Variants in ADAMTS12 observed in about 807,000 individuals in gnomAD.
ADAMTS12 encodes the protein ADAM metallopeptidase with thrombospondin type 1 motif 12, also known as A disintegrin and metalloproteinase with thrombospondin motifs 12.
Under a neutral mutation model 167.8 loss-of-function variants are expected in ADAMTS12, and 118 were observed. The observed-to-expected ratio is 0.70, with a 90% CI of 0.61 to 0.82. The LOEUF (loss-of-function observed/expected upper bound fraction) is 0.82, where lower values mean the gene tolerates loss of function less well. Among genes scored for constraint, ADAMTS12 ranks in the 40% least tolerant of loss-of-function variants. The pLI is 0.00. For synonymous variants in ADAMTS12, 704 were observed against 716.9 expected (o/e 0.98, Z 0.29); for missense variants, 1,916 against 1,998.8 (o/e 0.96, Z 0.79).
At chr5:33,823,105 AAAG>A (rs1438655939) in intron 2 of ADAMTS12, among the ~76,000 whole-genome samples, 16 of 151,588 alleles carry the variant, frequency 1.1e-4, no homozygotes, top group Admixed American at 3.9e-4. Context: ...AAAAAAAAAA[AAAG>A]AAAGAAAAAG....
chr5:33,698,967 G>A (rs563465931), intron 3 of ADAMTS12, among the ~76,000 whole-genome samples: 4 of 152,270 alleles, frequency 2.6e-5, no homozygotes, highest in African/African-American at 9.6e-5. Context: ...GACAAGCCTG[G>A]CCAACATGGT....
rs369832766 is a variant in ADAMTS12, at chr5:33,686,922, A to AATATATAT, written c.635-2875_635-2868dup. Among the ~76,000 whole-genome samples the AATATATAT allele has an allele frequency of 1.8e-3, 242 of 138,276 alleles. 1 individual carries two copies. Among genetic ancestry groups the AATATATAT allele is most frequent in the East Asian group, 0.01 (47 of 4,646 alleles). 90.7% of individuals were successfully genotyped at this position (138,276 alleles called of 152,430 possible). The stretch of plus-strand genomic sequence containing the variant: ...ACATATTCTCTATATATAGGCACTG[A>AATATATAT]ATATATATATATATAGAGAGAGAGA... On this transcript the variant is annotated intron_variant, in intron 3 of 23. Coordinates refer to ENST00000504830, the MANE Select transcript of ADAMTS12 (RefSeq NM_030955.4).
At chr5:33,654,072 T>C (rs994649885) in intron 7 of ADAMTS12, among the ~76,000 whole-genome samples, 5 of 152,184 alleles carry the variant, frequency 3.3e-5, no homozygotes, top group African/African-American at 1.2e-4. Context: ...TCTTTCCTCT[T>C]TCTCATCCAT....
chr5:33,768,841 G>A (rs1229749399), intron 2 of ADAMTS12, among the ~76,000 whole-genome samples: 1 of 152,024 alleles, frequency 6.6e-6, no homozygotes, highest in Non-Finnish European at 1.5e-5. Flanking sequence ...ATGCTTGGTA[G>A]GCAAAATAAC....
In ADAMTS12 at chr5:33,588,658, G is replaced by C. The variant is rs1747480817; in HGVS notation, c.2806C>G (p.Leu936Val). The C allele has an allele frequency of 1.9e-6, 3 of 1,614,150 alleles. No homozygotes were observed. The highest frequency in any genetic ancestry group is 2.5e-6 in the Non-Finnish European group (3 of 1,180,032). ...CQHLLKPKTL[L>V]SCNRDILCPS... is the part of the protein sequence containing the mutation. The stretch of plus-strand genomic sequence containing the variant: ...CACAGGATGTCTCTGTTGCAGGAAA[G>C]GAGGGTCTTGGGCTTCAGCAGGTGC... The change falls in exon 18 of 24, where the codon CTT becomes GTT. Residue 936 changes from leucine to valine, a missense_variant. Coordinates refer to ENST00000504830, the MANE Select transcript of ADAMTS12 (RefSeq NM_030955.4).
intron 6 of ADAMTS12, 128 bp downstream of exon 6, chr5:33,661,788 A>T: frequency 7.4e-7 from 1 of 1,354,626 alleles, no homozygotes; most frequent in Non-Finnish European, 1.0e-6. Context: ...GACTAGATCA[A>T]AGACACTGTC....
At chr5:33,738,443 G>C (rs1490523150) in intron 3 of ADAMTS12, among the ~76,000 whole-genome samples, 1 of 152,180 alleles carries the variant, frequency 6.6e-6, no homozygotes, top group Non-Finnish European at 1.5e-5. Flanking sequence ...AAGTGTCTTT[G>C]ATGCCTCCTG....
Position 33,615,697 on chromosome 5 carries a change from C to T in ADAMTS12, c.2388+131G>A, listed in dbSNP as rs947421746. 1.8e-5 allele frequency: 22 copies of T among 1,239,632 alleles called. No individual in the cohort carries two copies. The African/African-American group carries it at 2.7e-4, about 15-fold the overall frequency. The allele number at this position is 1,239,632 out of a possible 1,614,324, so 76.8% of individuals were successfully genotyped here. ...TAACAGCACAAACTAATATCTCATT[C>T]CCCTCCCTGCTCCTTGCTAAAAGAG... On this transcript the variant is annotated intron_variant, in intron 15 of 23. Transcript: ENST00000504830.
chr5:33,670,469 C>T (rs557075976), intron 5 of ADAMTS12, among the ~76,000 whole-genome samples: 3 of 152,210 alleles, frequency 2.0e-5, no homozygotes, highest in East Asian at 1.9e-4. Flanking sequence ...TGGCCGGGCG[C>T]GGTGTCTCAC....
chr5:33,719,918 G>T (rs1448694327), intron 3 of ADAMTS12, among the ~76,000 whole-genome samples: 1 of 152,172 alleles, frequency 6.6e-6, no homozygotes, highest in Non-Finnish European at 1.5e-5. Flanking sequence ...AATACTTGGT[G>T]GGGGTTGCTA....
chr5:33,846,790 G>A (rs756629926), intron 2 of ADAMTS12, among the ~76,000 whole-genome samples: 8 of 152,136 alleles, frequency 5.3e-5, no homozygotes, highest in South Asian at 4.2e-4. Flanking sequence ...GTTTGTCCCC[G>A]GAGGTTTGAA....
intron 3 of ADAMTS12, among the ~76,000 whole-genome samples, chr5:33,725,054 C>G (rs75477378): frequency 6.6e-6 from 1 of 152,142 alleles, no homozygotes; most frequent in Non-Finnish European, 1.5e-5. Context: ...TACTAAGGCT[C>G]GCTTGTTGCC....
intron 13 of ADAMTS12, among the ~76,000 whole-genome samples, chr5:33,625,682 T>G (rs1739554312): frequency 1.3e-5 from 2 of 152,170 alleles, no homozygotes; most frequent in Non-Finnish European, 2.9e-5. Flanking sequence ...AAGTAATATT[T>G]GCCTGCATAA....
chr5:33,653,925 G>C (rs1740952536), intron 7 of ADAMTS12, among the ~76,000 whole-genome samples: 1 of 152,016 alleles, frequency 6.6e-6, no homozygotes, highest in Admixed American at 6.6e-5. Context: ...TCTTTCTGAG[G>C]CTCCAATGAC....
At chr5:33,643,630 A>G (rs1050535714) in intron 9 of ADAMTS12, among the ~76,000 whole-genome samples, 160 bp from the exon 10 acceptor site, 11 of 152,240 alleles carry the variant, frequency 7.2e-5, no homozygotes, top group Non-Finnish European at 1.0e-4. Flanking sequence ...TTTTCAGTTC[A>G]AGCTTAACTT....
chr5:33,555,351 C>T (rs1382723330), intron 20 of ADAMTS12, among the ~76,000 whole-genome samples: 3 of 152,068 alleles, frequency 2.0e-5, no homozygotes, highest in African/African-American at 7.2e-5. Context: ...CTCAAGTGAT[C>T]CGTCCACCTC....
chr5:33,794,782 G>A (rs191925336), intron 2 of ADAMTS12, among the ~76,000 whole-genome samples: 2 of 152,196 alleles, frequency 1.3e-5, no homozygotes, highest in East Asian at 3.9e-4. Flanking sequence ...ATCTGCAAGG[G>A]GCCAGCGGGG....
chr5:33,614,211 T>C, intron 16 of ADAMTS12, 27 bp downstream of exon 16: 1 of 1,610,368 alleles, frequency 6.2e-7, no homozygotes, highest in Non-Finnish European at 8.5e-7. Flanking sequence ...CTGGCATGGC[T>C]TCATAGTGAG....
At position 33,543,194 on chromosome 5, in the gene ADAMTS12, C is replaced by T. The variant is rs148575209; in HGVS notation, c.4446+2865G>A. Among the ~76,000 whole-genome samples the T allele has an allele frequency of 3.4e-3, 518 of 152,244 alleles. 2 individuals carry two copies. The highest frequency in any genetic ancestry group is 0.01 in the Middle Eastern group (3 of 294). On this transcript the variant is annotated intron_variant, in intron 22 of 23. Coordinates refer to ENST00000504830, the MANE Select transcript of ADAMTS12 (RefSeq NM_030955.4). ...TGATACAGGGGATGTCGCCACCAAC[C>T]TACAGAAATACAAACTACCATCAGA...
Sources: allele counts gnomAD v4.1 joint callset (sites outside exome capture counted in the v4.1 genomes callset), GRCh38; gene constraint gnomAD v4.1.1; transcripts MANE v1.5; gene names NCBI Gene and HGNC (gene_info 2026-07-23, HGNC 2026-07-21).